Variants in COL4A1 observed in about 807,000 individuals in gnomAD.
COL4A1 encodes the protein collagen alpha-1(IV) chain.
Under a neutral mutation model 216.6 loss-of-function variants are expected in COL4A1, and 40 were observed. That is an observed-to-expected ratio of 0.18 (90% CI 0.14 to 0.24). The LOEUF is 0.24. COL4A1 is among the 10% of genes least tolerant of loss of function. The probability of loss-of-function intolerance (pLI) is 1.00; values close to 1 mark genes in which losing one functional copy is unlikely to be tolerated. For synonymous variants in COL4A1, 839 were observed against 810.7 expected, an observed-to-expected ratio of 1.03 and a Z score of -0.59; for missense variants, 1,628 against 2,196.8, an observed-to-expected ratio of 0.74 and a Z score of 5.18.
intron 17 of COL4A1, 97 bp downstream of exon 17, chr13:110,205,253 TCCC>T: frequency 7.2e-7 from 1 of 1,395,098 alleles, no homozygotes; most frequent in Non-Finnish European, 1.0e-6. Context: ...ATGATTTTTT[TCCC>T]TTGAGTACAG....
Position 110,175,283 on chromosome 13 carries a change from C to T in COL4A1, c.3133G>A (p.Ala1045Thr), listed in dbSNP as rs1057519214. 6.2e-7 allele frequency: 1 copy of T among 1,614,246 alleles called. No homozygotes were observed. Among genetic ancestry groups the T allele is most frequent in the Non-Finnish European group, 8.5e-7 (1 of 1,180,044 alleles). The change falls in exon 37 of 52, where the codon GCA becomes ACA. Residue 1045 changes from alanine (A) to threonine (T), a missense_variant. This residue lies in a region of COL4A1 where 345 missense variants were observed against 476.9 expected (regional missense o/e 0.72). Coordinates refer to ENST00000375820, the MANE Select transcript of COL4A1 (RefSeq NM_001845.6). ...CCTGCCTGCCCTTTCTCTCCTTTTG[C>T]ACCTTTGTCTCCAGGTAAGCCAGGT... ...GSPGLPGDKG[A>T]KGEKGQAGPP...
intron 1 of COL4A1, among the ~76,000 whole-genome samples, chr13:110,292,215 T>C (rs1431826660): frequency 6.6e-6 from 1 of 152,202 alleles, no homozygotes; most frequent in East Asian, 1.9e-4. Flanking sequence ...GTTCTTACTA[T>C]AAAAATCTGC....
At chr13:110,229,391 A>G (rs1880900503) in intron 2 of COL4A1, among the ~76,000 whole-genome samples, 1 of 152,326 alleles carries the variant, frequency 6.6e-6, no homozygotes, top group East Asian at 1.9e-4. Context: ...GAGGTTTTCA[A>G]CTTTAAATCT....
intron 1 of COL4A1, among the ~76,000 whole-genome samples, chr13:110,243,542 C>T (rs2139246909): frequency 6.6e-6 from 1 of 152,306 alleles, no homozygotes; most frequent in Middle Eastern, 3.4e-3. Flanking sequence ...TGGTCTCGAA[C>T]TCCTGACCTC....
chr13:110,156,060 C>T (rs982824180), intron 49 of COL4A1, among the ~76,000 whole-genome samples: 6 of 152,162 alleles, frequency 3.9e-5, no homozygotes, highest in Admixed American at 6.6e-5. Context: ...GGCAACATAG[C>T]GAGACCTGCC....
At chr13:110,195,339 AC>A (rs1298359926) in intron 21 of COL4A1, among the ~76,000 whole-genome samples, 3 of 152,200 alleles carry the variant, frequency 2.0e-5, no homozygotes, top group Non-Finnish European at 4.4e-5. Flanking sequence ...ATCACTGCCA[AC>A]ATTTCTATTT....
At chr13:110,248,578 G>A (rs1311076688) in intron 1 of COL4A1, among the ~76,000 whole-genome samples, 1 of 152,222 alleles carries the variant, frequency 6.6e-6, no homozygotes, top group African/African-American at 2.4e-5. Context: ...CGCAACCTCT[G>A]CCATCTGGAT....
intron 1 of COL4A1, among the ~76,000 whole-genome samples, chr13:110,304,655 G>A (rs569060645): frequency 6.6e-6 from 1 of 152,328 alleles, no homozygotes; most frequent in East Asian, 1.9e-4. Context: ...GGTAGGTTCA[G>A]CGTGGGATAA....
chr13:110,222,237 G>T (rs1161147347), intron 2 of COL4A1, among the ~76,000 whole-genome samples: 1 of 151,998 alleles, frequency 6.6e-6, no homozygotes, highest in Non-Finnish European at 1.5e-5. Context: ...ACACCCATGG[G>T]ATCTCAGCCA....
intron 1 of COL4A1, among the ~76,000 whole-genome samples, chr13:110,296,084 T>C (rs970057262): frequency 6.6e-6 from 1 of 152,224 alleles, no homozygotes; most frequent in Non-Finnish European, 1.5e-5. Context: ...CCTATTAAAC[T>C]AGGACCTTCC....
chr13:110,170,886 C>T (rs904345855), intron 41 of COL4A1, among the ~76,000 whole-genome samples, 154 bp from the exon 42 acceptor site: 3 of 152,242 alleles, frequency 2.0e-5, no homozygotes, highest in Non-Finnish European at 4.4e-5. Flanking sequence ...GCAGCAAGGG[C>T]TCCGATCCCT....
At chr13:110,169,017 T>G (rs1877478188) in intron 43 of COL4A1, among the ~76,000 whole-genome samples, 1 of 149,516 alleles carries the variant, frequency 6.7e-6, no homozygotes, top group Non-Finnish European at 1.5e-5. Context: ...GGGCTATATA[T>G]TCAGGTGCAG....
In COL4A1 at chr13:110,211,648, T is replaced by G; in HGVS notation, c.467A>C (p.Lys156Thr). The G allele has an allele frequency of 1.2e-6, 2 of 1,612,128 alleles. No individual in the cohort carries two copies. Among genetic ancestry groups the G allele is most frequent in the Admixed American group, 1.7e-5 (1 of 59,684 alleles). ...NPGPPGLPGM[K>T]GDPGEILGHV... is the part of the protein sequence containing the mutation. ...AAAGCAAAATAAAATAAAATGTACC[T>G]TCATCCCTGGTAAGCCTGGTGGTCC... The change falls in exon 8 of 52, where the codon AAG (lysine) becomes ACG (threonine). Residue 156 changes from lysine to threonine, a missense_variant and splice_region_variant. Physicochemically the swap from Lys to Thr is moderately conservative, Grantham distance 78. Transcript: ENST00000375820. This position sits in a 1 kb window ranked among gnomAD's most constrained non-coding sequence, Gnocchi z 4.3.
intron 1 of COL4A1, among the ~76,000 whole-genome samples, chr13:110,272,148 T>G (rs1566434716): frequency 6.6e-6 from 1 of 152,262 alleles, no homozygotes; most frequent in Admixed American, 6.5e-5. Context: ...CTTTAAAGTT[T>G]TACTGTTTTA....
At chr13:110,153,008 A>G (rs1292784886) in intron 50 of COL4A1, among the ~76,000 whole-genome samples, 3 of 152,262 alleles carry the variant, frequency 2.0e-5, no homozygotes, top group Non-Finnish European at 4.4e-5. Context: ...AACAAGAGAA[A>G]GAGAAAAAAA....
chr13:110,231,208 G>A (rs1297766770), intron 2 of COL4A1, among the ~76,000 whole-genome samples: 1 of 152,228 alleles, frequency 6.6e-6, no homozygotes, highest in African/African-American at 2.4e-5. Context: ...CCCACATGGG[G>A]ACACAGAGAG....
chr13:110,189,811 T>A (rs3783105), intron 24 of COL4A1, among the ~76,000 whole-genome samples: 89,757 of 151,410 alleles, frequency 0.59, 26,740 homozygotes, highest in Middle Eastern at 0.7. Context: ...ATCACTTTGC[T>A]TCATTAGGAC....
chr13:110,185,571 T>C (rs965715369), intron 26 of COL4A1, among the ~76,000 whole-genome samples: 8 of 152,242 alleles, frequency 5.3e-5, no homozygotes, highest in African/African-American at 9.6e-5. Context: ...ACTTCCCTCA[T>C]CTACACACAA....
chr13:110,291,392 C>A lies in COL4A1; in HGVS notation c.84+15552G>T, dbSNP rs147080990. Among the ~76,000 whole-genome samples, 25 of 152,328 alleles carry A rather than the reference C, an allele frequency of 1.6e-4. No homozygotes were observed. The East Asian group carries it at 4.2e-3, about 26-fold the overall frequency. ...CCATCTCCTCACAGCTGGCTGTCCA[C>A]AGAACTCATCTTCCATGTCGGGATG... is the stretch of plus-strand genomic sequence containing the variant. On this transcript the variant is annotated intron_variant, in intron 1 of 51. Coordinates refer to ENST00000375820, the MANE Select transcript of COL4A1 (RefSeq NM_001845.6).
Sources: allele counts gnomAD v4.1 joint callset (sites outside exome capture counted in the v4.1 genomes callset), GRCh38; gene constraint gnomAD v4.1.1; regional missense constraint gnomAD v4.1.1; non-coding constraint Gnocchi (gnomAD v3.1); transcripts MANE v1.5; gene names NCBI Gene and HGNC (gene_info 2026-07-23, HGNC 2026-07-21).